The following REEP3 variants were observed in gnomAD, a reference collection of about 807,000 sequenced individuals.
The protein encoded by REEP3 is receptor accessory protein 3.
REEP3 carries 20 observed loss-of-function variants against 41.3 expected under a neutral mutation model. The observed-to-expected ratio is 0.48, with a 90% confidence interval of 0.34 to 0.70. REEP3 has a LOEUF of 0.70. Among genes scored for constraint, REEP3 ranks in the 30% least tolerant of loss-of-function variants. The probability of loss-of-function intolerance (pLI) is 0.01; values close to 1 mark genes in which losing one functional copy is unlikely to be tolerated. For synonymous variants in REEP3, 104 were observed against 101.8 expected, an observed-to-expected ratio of 1.02 and a Z score of -0.13; for missense variants, 271 against 308.8, an observed-to-expected ratio of 0.88 and a Z score of 0.92.
intron 1 of REEP3, among the ~76,000 whole-genome samples, chr10:63,529,034 G>A (rs886441212): frequency 2.6e-5 from 4 of 152,068 alleles, no homozygotes; most frequent in African/African-American, 7.3e-5. Context: ...AATATTTTCC[G>A]CAGTAAGAGA....
intron 2 of REEP3, 77 bp downstream of exon 2, chr10:63,566,487 G>C (rs1955800680): frequency 1.2e-6 from 1 of 808,070 alleles, no homozygotes; most frequent in Admixed American, 2.5e-5. Context: ...TATTCTCTTA[G>C]AAACGGCTGG....
intron 1 of REEP3, among the ~76,000 whole-genome samples, chr10:63,522,516 G>T (rs752097764): frequency 6.6e-6 from 1 of 152,132 alleles, no homozygotes; most frequent in Non-Finnish European, 1.5e-5. Flanking sequence ...CGTAGTTACA[G>T]CTAGGGCCTA....
chr10:63,563,681 T>A (rs1955767175), intron 1 of REEP3, among the ~76,000 whole-genome samples: 1 of 146,040 alleles, frequency 6.8e-6, no homozygotes, highest in Non-Finnish European at 1.5e-5. Context: ...GCATGGTGAC[T>A]TCTTTCCAAA....
intron 2 of REEP3, among the ~76,000 whole-genome samples, chr10:63,574,529 G>A (rs1955880509): frequency 6.6e-6 from 1 of 152,092 alleles, no homozygotes; most frequent in South Asian, 2.1e-4. Context: ...TGCACATAAA[G>A]CATTTAAATC....
intron 5 of REEP3, among the ~76,000 whole-genome samples, chr10:63,605,362 T>C (rs1157260426): frequency 6.6e-6 from 1 of 152,118 alleles, no homozygotes; most frequent in Non-Finnish European, 1.5e-5. Context: ...CATGGGGAAA[T>C]GAGATTTCCC....
At chr10:63,590,859 A>G (rs1478318541) in intron 2 of REEP3, among the ~76,000 whole-genome samples, 17 of 152,258 alleles carry the variant, frequency 1.1e-4, no homozygotes, top group Non-Finnish European at 4.4e-5. Flanking sequence ...ATATATTTCT[A>G]TCAATAAAGT....
At chr10:63,606,929 A>C (rs1956233925) in intron 5 of REEP3, among the ~76,000 whole-genome samples, 1 of 152,206 alleles carries the variant, frequency 6.6e-6, no homozygotes, top group Non-Finnish European at 1.5e-5. Flanking sequence ...GCATACTTGC[A>C]ATCATATTAT....
chr10:63,526,576 A>T (rs1050966390), intron 1 of REEP3, among the ~76,000 whole-genome samples: 2 of 152,042 alleles, frequency 1.3e-5, no homozygotes, highest in African/African-American at 4.8e-5. Flanking sequence ...CCAGAATCGG[A>T]AGTTTTAATT....
At chr10:63,572,303 G>A (rs1269354504) in intron 2 of REEP3, among the ~76,000 whole-genome samples, 2 of 120,664 alleles carry the variant, frequency 1.7e-5, no homozygotes, top group Admixed American at 7.8e-5. Context: ...AATTTAAACC[G>A]ACTTTTTTTT....
intron 7 of REEP3, among the ~76,000 whole-genome samples, 193 bp downstream of exon 7, chr10:63,619,993 A>G (rs935001333): frequency 1.4e-5 from 2 of 139,340 alleles, no homozygotes; most frequent in Non-Finnish European, 3.0e-5. Context: ...ATTGGAGTGC[A>G]GTGTGGCGTA....
chr10:63,533,369 G>C (rs1955442272), intron 1 of REEP3, among the ~76,000 whole-genome samples: 1 of 152,262 alleles, frequency 6.6e-6, no homozygotes, highest in East Asian at 1.9e-4. Flanking sequence ...AATGGATACC[G>C]TTATTGTCAT....
At chr10:63,607,575 A>G (rs527397099) in intron 5 of REEP3, among the ~76,000 whole-genome samples, 43 of 152,364 alleles carry the variant, frequency 2.8e-4, no homozygotes, top group Non-Finnish European at 4.6e-4. Flanking sequence ...ACATTAAAAC[A>G]TGCTGCCATC....
intron 2 of REEP3, among the ~76,000 whole-genome samples, chr10:63,577,215 C>A (rs1229372805): frequency 6.6e-6 from 1 of 152,192 alleles, no homozygotes; most frequent in African/African-American, 2.4e-5. Flanking sequence ...AGTTTATAAA[C>A]TTTTACTCGA....
At chr10:63,531,441 G>C (rs1294083377) in intron 1 of REEP3, among the ~76,000 whole-genome samples, 2 of 152,170 alleles carry the variant, frequency 1.3e-5, no homozygotes, top group East Asian at 3.8e-4. Context: ...ATGTCACCTA[G>C]TGGGCAAAAC....
chr10:63,581,058 T>C (rs1955949614), intron 2 of REEP3, among the ~76,000 whole-genome samples: 1 of 152,176 alleles, frequency 6.6e-6, no homozygotes, highest in African/African-American at 2.4e-5. Context: ...GATAGACCTA[T>C]TTTTTCCTTT....
At chr10:63,562,546 T>C (rs1955750818) in intron 1 of REEP3, 1 of 456,502 alleles carries the variant, frequency 2.2e-6, no homozygotes, top group Admixed American at 2.3e-5. Context: ...CATGAGCCAC[T>C]GCTCCTAGCC....
chr10:63,552,187 G>A (rs1353708443), intron 1 of REEP3, among the ~76,000 whole-genome samples: 4 of 151,892 alleles, frequency 2.6e-5, no homozygotes, highest in Admixed American at 2.6e-4. Context: ...GGTGGATCAC[G>A]AGGTCAGGAG....
chr10:63,602,414 A>G (rs940149878), intron 5 of REEP3, among the ~76,000 whole-genome samples: 3 of 152,220 alleles, frequency 2.0e-5, no homozygotes, highest in Non-Finnish European at 4.4e-5. Flanking sequence ...GATTTTGCAA[A>G]TCAAGTGCAT....
At chr10:63,604,084 T>G (rs1245862664) in intron 5 of REEP3, among the ~76,000 whole-genome samples, 1 of 152,222 alleles carries the variant, frequency 6.6e-6, no homozygotes, top group Non-Finnish European at 1.5e-5. Flanking sequence ...TGGTGTGACC[T>G]TTGAAGAACG....
Sources: gnomAD v4.1 joint callset for allele counts (sites outside exome capture counted in the v4.1 genomes callset) on GRCh38, gnomAD v4.1.1 for gene constraint, MANE v1.5 for transcripts, NCBI Gene and HGNC (gene_info 2026-07-23, HGNC 2026-07-21) for gene names.